PTPRK: variants seen among roughly 807,000 people sequenced by gnomAD.
PTPRK encodes protein tyrosine phosphatase receptor type K, also known as receptor-type tyrosine-protein phosphatase kappa.
PTPRK carries 75 observed loss-of-function variants against 178.0 expected under a neutral mutation model. The observed-to-expected ratio is 0.42, with a 90% CI of 0.35 to 0.51. The LOEUF is 0.51. Ranked by LOEUF, PTPRK falls within the 20% of genes least tolerant of loss-of-function variation. PTPRK has a pLI of 0.02. For missense variants in PTPRK, 1,441 were observed against 1,797.8 expected (o/e 0.80, Z 3.59); for synonymous variants, 637 against 620.6 (o/e 1.03, Z -0.39).
At chr6:128,178,681 A>G (rs1801464520) in intron 7 of PTPRK, among the ~76,000 whole-genome samples, 1 of 151,528 alleles carries the variant, frequency 6.6e-6, no homozygotes. Flanking sequence ...CTATCTATCT[A>G]TCTATCTATC....
At chr6:128,399,998 C>G (rs945069329) in intron 1 of PTPRK, among the ~76,000 whole-genome samples, 1 of 152,076 alleles carries the variant, frequency 6.6e-6, no homozygotes, top group Non-Finnish European at 1.5e-5. Flanking sequence ...TAAAATATAG[C>G]ATACTAATAA....
At position 128,309,429 on chromosome 6, in the gene PTPRK, A is replaced by C. The variant is rs528071479; in HGVS notation, c.495+12610T>G. ...GAGTAATCAGAAATCAATTCAGATC[A>C]TCTAGAGAGTAGGAAATCATTACAG... On this transcript the variant is annotated intron_variant, in intron 3 of 29. Coordinates refer to ENST00000368226, the MANE Select transcript of PTPRK (RefSeq NM_002844.4). Among the ~76,000 whole-genome samples the C allele has an allele frequency of 9.2e-5, 14 of 152,242 alleles. No homozygotes were observed. The East Asian group carries it at 2.7e-3, about 29-fold the overall frequency.
At position 128,013,583 on chromosome 6, in the gene PTPRK, C is replaced by A. The variant is rs143731453; in HGVS notation, c.2195-4315G>T. 4.0e-3 allele frequency among the ~76,000 whole-genome samples: 610 copies of A among 151,556 alleles called. 3 individuals carry two copies. The highest frequency in any genetic ancestry group is 7.2e-3 in the Non-Finnish European group (485 of 67,640). ...CAGTTCTTCAAGCCAGAAACCTATG[C>A]ATCATTCTTGAATCCTCCACTTTCC... On this transcript the variant is annotated intron_variant, in intron 13 of 29. Transcript: ENST00000368226.
intron 13 of PTPRK, among the ~76,000 whole-genome samples, chr6:128,053,181 CA>C (rs1240902172): frequency 5.5e-4 from 81 of 148,208 alleles, no homozygotes; most frequent in East Asian, 2.7e-3. Context: ...CACACACACA[CA>C]CCCCTATACA....
chr6:128,054,166 A>G (rs1426423563), intron 13 of PTPRK, among the ~76,000 whole-genome samples: 1 of 152,186 alleles, frequency 6.6e-6, no homozygotes, highest in Non-Finnish European at 1.5e-5. Context: ...GAGACAGAAA[A>G]CTTTTATTCT....
intron 7 of PTPRK, among the ~76,000 whole-genome samples, chr6:128,094,391 G>A (rs1026360104): frequency 5.3e-5 from 8 of 152,160 alleles, no homozygotes; most frequent in Admixed American, 1.3e-4. Flanking sequence ...GCAGGAACAC[G>A]CAGGATAGGG....
At chr6:128,204,874 A>C (rs1240319308) in intron 6 of PTPRK, among the ~76,000 whole-genome samples, 1 of 152,188 alleles carries the variant, frequency 6.6e-6, no homozygotes, top group African/African-American at 2.4e-5. Context: ...AGAGACCTAG[A>C]GGCAGAAATA....
chr6:128,337,408 T>C (rs1831085398), intron 2 of PTPRK, among the ~76,000 whole-genome samples: 1 of 152,170 alleles, frequency 6.6e-6, no homozygotes, highest in Admixed American at 6.5e-5. Context: ...GTGAGAAAGT[T>C]ACTGAATATG....
At chr6:128,513,174 G>A (rs920586924) in intron 1 of PTPRK, among the ~76,000 whole-genome samples, 1 of 151,978 alleles carries the variant, frequency 6.6e-6, no homozygotes, top group African/African-American at 2.4e-5. Flanking sequence ...TAATAATCAA[G>A]TAAATATTGA....
intron 21 of PTPRK, among the ~76,000 whole-genome samples, chr6:127,989,900 C>T (rs1465289373): frequency 6.6e-6 from 1 of 151,388 alleles, no homozygotes; most frequent in East Asian, 1.9e-4. Context: ...CTGTATGTAC[C>T]TTTGATATTT....
chr6:128,168,921 T>G (rs1169885202), intron 7 of PTPRK, among the ~76,000 whole-genome samples: 7 of 152,092 alleles, frequency 4.6e-5, no homozygotes. Flanking sequence ...AATCCTGACA[T>G]TTGTGACATC....
At chr6:128,005,910 G>GA (rs1413041190) in intron 14 of PTPRK, 1 of 735,654 alleles carries the variant, frequency 1.4e-6, no homozygotes, top group Non-Finnish European at 2.0e-6. Context: ...TTTAGAGTCT[G>GA]AAAAAACTTT....
intron 13 of PTPRK, among the ~76,000 whole-genome samples, chr6:128,018,495 A>AT (rs75812013): frequency 0.023 from 3,400 of 144,852 alleles, 99 homozygotes; most frequent in African/African-American, 0.069. Flanking sequence ...GGTGGCCTTA[A>AT]TTTTTTTTTT....
rs200332479 is a variant in PTPRK at position 128,178,452 on chromosome 6, AT to A, written c.1162+5979del. ...CCCCTCTAATATAATGTATTATACC[AT>A]TTTTTTCATGTGTATTAATATTGGA... On this transcript the variant is annotated intron_variant, in intron 7 of 29. Transcript: ENST00000368226. Among the ~76,000 whole-genome samples, 20 of 151,328 alleles carry A rather than the reference AT, an allele frequency of 1.3e-4. No homozygotes were observed. The South Asian group carries it at 1.9e-3, about 14-fold the overall frequency.
At chr6:128,516,640 T>C (rs1446641952) in intron 1 of PTPRK, among the ~76,000 whole-genome samples, 1 of 152,088 alleles carries the variant, frequency 6.6e-6, no homozygotes, top group Non-Finnish European at 1.5e-5. Context: ...TTAGATGAGT[T>C]ACAGCATTCT....
chr6:128,414,777 T>C (rs1237717525), intron 1 of PTPRK, among the ~76,000 whole-genome samples: 3 of 152,218 alleles, frequency 2.0e-5, no homozygotes, highest in Non-Finnish European at 2.9e-5. Context: ...CTGTAGGTGG[T>C]ACTTTCACTT....
intron 1 of PTPRK, among the ~76,000 whole-genome samples, chr6:128,487,469 T>C (rs527863874): frequency 1.7e-3 from 253 of 151,652 alleles, no homozygotes; most frequent in Non-Finnish European, 2.2e-3. Flanking sequence ...ACAAAATTTG[T>C]TTTCCCCAAG....
chr6:128,430,974 C>T (rs1447440054), intron 1 of PTPRK, among the ~76,000 whole-genome samples: 1 of 146,542 alleles, frequency 6.8e-6, no homozygotes, highest in African/African-American at 2.5e-5. Flanking sequence ...AGTCTTGCTG[C>T]GTCACCCAGG....
intron 1 of PTPRK, among the ~76,000 whole-genome samples, chr6:128,403,364 T>G (rs1396783314): frequency 6.6e-6 from 1 of 152,200 alleles, no homozygotes; most frequent in Non-Finnish European, 1.5e-5. Context: ...CTTAAGAATT[T>G]TAAGTATGGG....
Sources: allele counts gnomAD v4.1 joint callset (sites outside exome capture counted in the v4.1 genomes callset), GRCh38; gene constraint gnomAD v4.1.1; transcripts MANE v1.5; gene names NCBI Gene and HGNC (gene_info 2026-07-23, HGNC 2026-07-21).